The following ARGLU1 variants were observed in gnomAD, a reference collection of about 807,000 sequenced individuals.
ARGLU1 encodes the protein arginine and glutamate rich 1.
A neutral mutation model predicts 37.6 loss-of-function variants in ARGLU1; 9 were observed. The ratio of observed to expected loss-of-function variants is 0.24; its 90% CI spans 0.14 to 0.42. The LOEUF (loss-of-function observed/expected upper bound fraction) is 0.42, where lower values mean the gene tolerates loss of function less well. Ranked by LOEUF, ARGLU1 falls within the 10% of genes least tolerant of loss-of-function variation. The probability of loss-of-function intolerance (pLI) is 1.00; values close to 1 mark genes in which losing one functional copy is unlikely to be tolerated. For synonymous variants in ARGLU1, 166 were observed against 138.5 expected (o/e 1.20, Z -1.39); for missense variants, 211 against 359.2 (o/e 0.59, Z 3.34).
At chr13:106,558,899 A>C (rs1009195337) in intron 2 of ARGLU1, 127 of 985,312 alleles carry the variant, frequency 1.3e-4, no homozygotes, top group Non-Finnish European at 1.5e-4. Flanking sequence ...ATTGTGCTGA[A>C]GCAGGGTTTA....
In ARGLU1 at chr13:106,557,733, AG is replaced by A; in HGVS notation, c.574-603del. 7.3e-7 allele frequency: 1 copy of A among 1,361,304 alleles called. No homozygotes were observed. 84.3% of individuals were successfully genotyped at this position (1,361,304 alleles called of 1,614,324 possible). ...AGGAATGCAGATGTTTATGGTAAGA[AG>A]GAACAAAAAATGTAATTCATCATTC... is the stretch of plus-strand genomic sequence containing the variant. On this transcript the variant is annotated intron_variant, in intron 2 of 3. Transcript: ENST00000400198. This position sits in a 1 kb window ranked among gnomAD's most constrained non-coding sequence, Gnocchi z 5.0.
At position 106,567,499 on chromosome 13, in the gene ARGLU1, C is replaced by T. The variant is rs1881003070; in HGVS notation, c.347+74G>A. 2.7e-6 allele frequency: 3 copies of T among 1,127,872 alleles called. No homozygotes were observed. The highest frequency in any genetic ancestry group is 2.2e-4 in the Middle Eastern group (1 of 4,504). The allele number at this position is 1,127,872 out of a possible 1,614,324, so 69.9% of individuals were successfully genotyped here. ...CGCCATTCTCCCGGCCCGCACCGTC[C>T]CGCCCCGGCCCCACGCCCTCGCCCC... On this transcript the variant is annotated intron_variant, in intron 1 of 3. Transcript: ENST00000400198. The surrounding 1 kb of genome is among the most constrained non-coding windows in gnomAD (Gnocchi z 4.3).
rs1881024577 is a variant in ARGLU1, at chr13:106,567,978, G to A, written c.-59C>T. ...GCCCCTCACGCGGCCAGTTCCCCTC[G>A]CCTCCGCCTTCGGACGCGGGCTGGC... On this transcript the variant is annotated 5_prime_UTR_variant, in exon 1 of 4. Transcript: ENST00000400198. This position sits in a 1 kb window ranked among gnomAD's most constrained non-coding sequence, Gnocchi z 4.3. 2.6e-6 allele frequency: 4 copies of A among 1,527,400 alleles called. No homozygotes were observed. The highest frequency in any genetic ancestry group is 2.4e-5 in the South Asian group (2 of 81,742). 94.6% of individuals were successfully genotyped at this position (1,527,400 alleles called of 1,614,324 possible).
At chr13:106,546,129 T>G (rs1316150949) in intron 3 of ARGLU1, among the ~76,000 whole-genome samples, 1 of 152,222 alleles carries the variant, frequency 6.6e-6, no homozygotes, top group Non-Finnish European at 1.5e-5. Flanking sequence ...TTATTTTCAT[T>G]TCTTTTGCCA....
chr13:106,568,077 C>A lies in ARGLU1; in HGVS notation c.-158G>T, dbSNP rs1472341023. The A allele has an allele frequency of 4.3e-6, 5 of 1,162,924 alleles. No homozygotes were observed. Among genetic ancestry groups the A allele is most frequent in the Admixed American group, 3.7e-5 (1 of 27,050 alleles). The allele number at this position is 1,162,924 out of a possible 1,614,324, so 72.0% of individuals were successfully genotyped here. On this transcript the variant is annotated 5_prime_UTR_variant, in exon 1 of 4. Coordinates refer to ENST00000400198, the MANE Select transcript of ARGLU1 (RefSeq NM_018011.4). ...TGCCTTTTCCCGGCGTCTACAGCTGCCACGAAGGCCGCCTCCAACGAGAAA... is the reference window on the plus strand; with the variant it reads ...TGCCTTTTCCCGGCGTCTACAGCTGACACGAAGGCCGCCTCCAACGAGAAA...
rs1175693020 is a variant in ARGLU1, at chr13:106,557,162, A to C, written c.574-31T>G. The C allele has an allele frequency of 2.6e-6, 4 of 1,544,010 alleles. No individual in the cohort carries two copies. Among genetic ancestry groups the C allele is most frequent in the Non-Finnish European group, 3.6e-6 (4 of 1,119,458 alleles). On this transcript the variant is annotated intron_variant, in intron 2 of 3. Transcript: ENST00000400198. This position sits in a 1 kb window ranked among gnomAD's most constrained non-coding sequence, Gnocchi z 5.0. ...GGGGAGGATATGTTAAGATATTAGA[A>C]AAACAAAATGTTTATTTTTATTGAT...
Position 106,557,895 on chromosome 13 carries a change from G to A in ARGLU1, c.574-764C>T, listed in dbSNP as rs1465447206. 1.0e-6 allele frequency: 1 copy of A among 985,306 alleles called. No homozygotes were observed. Among genetic ancestry groups the A allele is most frequent in the Non-Finnish European group, 1.2e-6 (1 of 829,922 alleles). 61.0% of individuals were successfully genotyped at this position (985,306 alleles called of 1,614,324 possible). ...CATTCAGATGTTGACAATTTCGGAA[G>A]GCAGCTTATATTGTCATCTACAATC... is the stretch of plus-strand genomic sequence containing the variant. On this transcript the variant is annotated intron_variant, in intron 2 of 3. Coordinates refer to ENST00000400198, the MANE Select transcript of ARGLU1 (RefSeq NM_018011.4). This position sits in a 1 kb window ranked among gnomAD's most constrained non-coding sequence, Gnocchi z 5.0.
chr13:106,551,976 CCTT>C (rs1408468412), intron 3 of ARGLU1, among the ~76,000 whole-genome samples: 5 of 152,206 alleles, frequency 3.3e-5, no homozygotes, highest in Non-Finnish European at 7.3e-5. Context: ...GCCCCGCCCT[CCTT>C]GTCATATATG....
chr13:106,554,779 G>A (rs1471351198), intron 3 of ARGLU1, among the ~76,000 whole-genome samples: 1 of 151,868 alleles, frequency 6.6e-6, no homozygotes, highest in African/African-American at 2.4e-5. Flanking sequence ...CAGCTACTCA[G>A]GAGGCTGAGG....
intron 3 of ARGLU1, among the ~76,000 whole-genome samples, chr13:106,553,049 G>C (rs1467540739): frequency 2.6e-5 from 4 of 151,982 alleles, no homozygotes; most frequent in East Asian, 3.9e-4. Flanking sequence ...GTCACAAAAG[G>C]CTACTTAAAA....
In ARGLU1 at chr13:106,543,843, G is replaced by T; in HGVS notation, c.*153C>A. The T allele has an allele frequency of 2.0e-6, 1 of 511,990 alleles. No individual in the cohort carries two copies. The highest frequency in any genetic ancestry group is 3.1e-6 in the Non-Finnish European group (1 of 317,778). The allele number at this position is 511,990 out of a possible 1,614,324, so 31.7% of individuals were successfully genotyped here. A position where few individuals can be genotyped will look rare whatever the true frequency, so the allele number is the denominator to read the frequency against. On this transcript the variant is annotated 3_prime_UTR_variant, in exon 4 of 4. Transcript: ENST00000400198. ...GTGGAAGGAAAAAAAAAAAAAAAAA[G>T]GGAATTGCAGAGCATAGCCCCTATT...
Position 106,559,992 on chromosome 13 carries a change from G to A in ARGLU1, c.348-335C>T, listed in dbSNP as rs1368103092. Reference sequence around the variant, plus strand: ...TATTGACTTTATAATCAGAGGACAAGTTGTTAAAACATATGGATTTGCTCA... The same window carrying A: ...TATTGACTTTATAATCAGAGGACAAATTGTTAAAACATATGGATTTGCTCA... On this transcript the variant is annotated intron_variant, in intron 1 of 3. Coordinates refer to ENST00000400198, the MANE Select transcript of ARGLU1 (RefSeq NM_018011.4). 2.6e-5 allele frequency among the ~76,000 whole-genome samples: 4 copies of A among 152,304 alleles called. No individual in the cohort carries two copies. In the East Asian group the frequency reaches 7.7e-4, roughly 29 times the overall value.
At chr13:106,563,622 A>G (rs941560865) in intron 1 of ARGLU1, among the ~76,000 whole-genome samples, 1 of 152,220 alleles carries the variant, frequency 6.6e-6, no homozygotes, top group Non-Finnish European at 1.5e-5. Flanking sequence ...TGGGAAACAT[A>G]GTGACTCTGT....
At chr13:106,550,283 TG>T (rs1784427526) in intron 3 of ARGLU1, among the ~76,000 whole-genome samples, 1 of 152,200 alleles carries the variant, frequency 6.6e-6, no homozygotes, top group Admixed American at 6.5e-5. Context: ...TGGCCTTCAG[TG>T]GCTTCGTGTT....
intron 1 of ARGLU1, 41 bp from the exon 2 acceptor site, chr13:106,559,698 T>A (rs1348133081): frequency 1.9e-6 from 3 of 1,562,876 alleles, no homozygotes; most frequent in African/African-American, 1.4e-5. Flanking sequence ...GTATTTACTT[T>A]TAAAACTATA....
At chr13:106,565,970 G>A (rs771773664) in intron 1 of ARGLU1, among the ~76,000 whole-genome samples, 15 of 152,156 alleles carry the variant, frequency 9.9e-5, no homozygotes, top group Non-Finnish European at 2.2e-4. Context: ...TCTAGTGAAA[G>A]GCAAGTTATT....
intron 3 of ARGLU1, among the ~76,000 whole-genome samples, chr13:106,545,944 T>A (rs1442099044): frequency 6.6e-6 from 1 of 152,232 alleles, no homozygotes; most frequent in Non-Finnish European, 1.5e-5. Flanking sequence ...CTGGGAGACC[T>A]AGGACTTGCT....
intron 2 of ARGLU1, chr13:106,559,197 C>T: frequency 1.3e-6 from 2 of 1,481,918 alleles, no homozygotes; most frequent in Non-Finnish European, 1.8e-6. Context: ...ATAGCCAGTT[C>T]CATTAAATCA....
intron 1 of ARGLU1, among the ~76,000 whole-genome samples, chr13:106,560,613 T>C (rs552314292): frequency 9.9e-5 from 15 of 152,198 alleles, no homozygotes; most frequent in Non-Finnish European, 2.1e-4. Flanking sequence ...ATTAATTTCA[T>C]CCATTTCTTA....
Sources: gnomAD v4.1 joint callset for allele counts (sites outside exome capture counted in the v4.1 genomes callset) on GRCh38, gnomAD v4.1.1 for gene constraint, Gnocchi (gnomAD v3.1) non-coding constraint, MANE v1.5 for transcripts, NCBI Gene and HGNC (gene_info 2026-07-23, HGNC 2026-07-21) for gene names.